Variants in XRCC5 observed in about 807,000 individuals in gnomAD.
XRCC5 encodes X-ray repair cross complementing 5.
Under a neutral mutation model 95.7 loss-of-function variants are expected in XRCC5, and 12 were observed. The ratio of observed to expected loss-of-function variants is 0.13; its 90% CI spans 0.08 to 0.20. XRCC5 has a LOEUF of 0.20. Ranked by LOEUF, XRCC5 falls within the 10% of genes least tolerant of loss-of-function variation. The pLI is 1.00. For missense variants in XRCC5, 595 were observed against 873.9 expected (o/e 0.68, Z 4.02); for synonymous variants, 281 against 290.3 (o/e 0.97, Z 0.33).
intron 13 of XRCC5, among the ~76,000 whole-genome samples, chr2:216,144,196 A>G (rs575903914): frequency 6.6e-6 from 1 of 152,354 alleles, no homozygotes; most frequent in African/African-American, 2.4e-5. Flanking sequence ...TAAAAGAACA[A>G]AGGCGGTGCA....
chr2:216,155,638 G>A (rs1315359696), intron 14 of XRCC5, among the ~76,000 whole-genome samples: 4 of 152,166 alleles, frequency 2.6e-5, no homozygotes, highest in African/African-American at 9.7e-5. Context: ...CATGGATTAT[G>A]CTGCAAGTAA....
chr2:216,141,559 T>TTTTTTTTTTTTTTTTTTTG (rs1697171857), intron 13 of XRCC5, among the ~76,000 whole-genome samples: 1 of 56,608 alleles, frequency 1.8e-5, no homozygotes, highest in Non-Finnish European at 4.8e-5. Context: ...TTTTTTTTTT[T>TTTTTTTTTTTTTTTTTTTG]TTTTTTTCCT....
At chr2:216,199,200 G>A (rs1242541120) in intron 19 of XRCC5, among the ~76,000 whole-genome samples, 2 of 152,184 alleles carry the variant, frequency 1.3e-5, no homozygotes, top group Non-Finnish European at 2.9e-5. Flanking sequence ...TTTCCCATAA[G>A]TTATTTAAAG....
intron 8 of XRCC5, among the ~76,000 whole-genome samples, chr2:216,129,007 T>G (rs1190395463): frequency 6.6e-6 from 1 of 152,228 alleles, no homozygotes; most frequent in African/African-American, 2.4e-5. Context: ...GCTAAGAGTT[T>G]ATGCATAACC....
intron 13 of XRCC5, among the ~76,000 whole-genome samples, chr2:216,143,640 TA>T: frequency 6.6e-6 from 1 of 151,634 alleles, no homozygotes; most frequent in Non-Finnish European, 1.5e-5. Flanking sequence ...TACATAAACT[TA>T]AAAAAAACTT....
chr2:216,168,798 A>G (rs1189871494), intron 16 of XRCC5, among the ~76,000 whole-genome samples: 3 of 152,252 alleles, frequency 2.0e-5, no homozygotes, highest in Non-Finnish European at 2.9e-5. Flanking sequence ...AGTGGACCCT[A>G]GATCGCATAT....
intron 16 of XRCC5, among the ~76,000 whole-genome samples, chr2:216,187,786 G>GACCCACACACACACACACACACACAC (rs1689523821): frequency 1.5e-5 from 1 of 64,536 alleles, no homozygotes; most frequent in African/African-American, 1.0e-4. Flanking sequence ...ATGAACTCCT[G>GACCCACACACACACACACACACACAC]ACACACACAC....
intron 13 of XRCC5, among the ~76,000 whole-genome samples, chr2:216,144,017 G>A (rs574238178): frequency 1.6e-4 from 24 of 152,060 alleles, no homozygotes; most frequent in Non-Finnish European, 3.4e-4. Flanking sequence ...ACCCGGCCAA[G>A]CTTACTTCTT....
rs1383531364 is a variant in XRCC5 at position 216,122,047 on chromosome 2, G to C, written c.492-15G>C. On this transcript the variant is annotated splice_polypyrimidine_tract_variant and intron_variant, in intron 5 of 20. Coordinates refer to ENST00000392132, the MANE Select transcript of XRCC5 (RefSeq NM_021141.4). ...CAGGATTAGAACACTAACTACTGTT[G>C]ATCTTTCTTAATAGCTTGCCTTTCT... 5 of 1,602,068 alleles carry C rather than the reference G, an allele frequency of 3.1e-6. No individual in the cohort carries two copies. The highest frequency in any genetic ancestry group is 4.3e-6 in the Non-Finnish European group (5 of 1,173,132).
At chr2:216,204,904 T>C (rs559143653) in intron 20 of XRCC5, among the ~76,000 whole-genome samples, 2 of 152,354 alleles carry the variant, frequency 1.3e-5, no homozygotes, top group African/African-American at 4.8e-5. Context: ...ATGTCTTTTG[T>C]ATCTATCCTT....
intron 16 of XRCC5, among the ~76,000 whole-genome samples, chr2:216,187,466 C>CTGTGTG (rs140171958): frequency 0.03 from 3,336 of 111,162 alleles, 69 homozygotes; most frequent in East Asian, 0.064. Flanking sequence ...AAGATAGCAA[C>CTGTGTG]TGTGTGTGTG....
At chr2:216,137,363 G>A in intron 11 of XRCC5, 138 bp downstream of exon 11, 1 of 985,320 alleles carries the variant, frequency 1.0e-6, no homozygotes, top group Non-Finnish European at 1.4e-6. Context: ...TTCTGGGGCA[G>A]GGCCCAGATT....
chr2:216,117,850 G>C, intron 4 of XRCC5, 56 bp downstream of exon 4: 1 of 1,527,098 alleles, frequency 6.5e-7, no homozygotes, highest in Non-Finnish European at 9.1e-7. Context: ...AATTGTATGG[G>C]TTAATGTATT....
Position 216,194,980 on chromosome 2 carries a change from C to G in XRCC5, c.2103C>G (p.Ala701=). The G allele has an allele frequency of 1.9e-6, 3 of 1,613,522 alleles. No homozygotes were observed. The highest frequency in any genetic ancestry group is 2.5e-6 in the Non-Finnish European group (3 of 1,179,732). The part of the protein sequence containing the change: ...ASGSSVTAEE[A]KKFLAPKDKP... ...GAAGTTCTGTCACAGCTGAGGAAGC[C>G]AAAAAGGTATTGAGGGGTAAACCTT... The change falls in exon 19 of 21, where the codon GCC becomes GCG. Residue 701 remains alanine, a synonymous_variant. Transcript: ENST00000392132.
chr2:216,144,434 T>G (rs936056251), intron 13 of XRCC5, among the ~76,000 whole-genome samples: 1 of 152,200 alleles, frequency 6.6e-6, no homozygotes, highest in African/African-American at 2.4e-5. Flanking sequence ...AGTGGCCCAC[T>G]TGAAGGCTTA....
intron 16 of XRCC5, among the ~76,000 whole-genome samples, chr2:216,162,872 A>G (rs898143688): frequency 4.6e-5 from 7 of 152,190 alleles, no homozygotes; most frequent in African/African-American, 1.7e-4. Context: ...TGTGGCTAAC[A>G]TAAAAATAGC....
intron 16 of XRCC5, among the ~76,000 whole-genome samples, chr2:216,163,696 A>G (rs1688997230): frequency 6.6e-6 from 1 of 152,214 alleles, no homozygotes; most frequent in South Asian, 2.1e-4. Flanking sequence ...CAAGATCCCC[A>G]GATCTACTGT....
chr2:216,128,488 G>A (rs559844916), intron 8 of XRCC5, among the ~76,000 whole-genome samples: 2 of 152,272 alleles, frequency 1.3e-5, no homozygotes, highest in African/African-American at 4.8e-5. Flanking sequence ...TGGATTATAT[G>A]TAGAATATAA....
chr2:216,188,877 G>A (rs41302512), intron 16 of XRCC5, among the ~76,000 whole-genome samples: 1 of 152,174 alleles, frequency 6.6e-6, no homozygotes, highest in African/African-American at 2.4e-5. Flanking sequence ...TGAAATTGCA[G>A]GGAAATGTTT....
Sources: gnomAD v4.1 joint callset for allele counts (sites outside exome capture counted in the v4.1 genomes callset) on GRCh38, gnomAD v4.1.1 for gene constraint, MANE v1.5 for transcripts, NCBI Gene and HGNC (gene_info 2026-07-23, HGNC 2026-07-21) for gene names.